The following VAT1L variants were observed in gnomAD, a reference collection of about 807,000 sequenced individuals.
VAT1L encodes the protein putative NADPH-dependent quinone oxidoreductase VAT1L.
Under a neutral mutation model 44.1 loss-of-function variants are expected in VAT1L, and 34 were observed. That is an observed-to-expected ratio of 0.77 (90% confidence interval 0.59 to 1.03). The LOEUF (loss-of-function observed/expected upper bound fraction) is 1.03. Ranked by LOEUF, VAT1L falls within the 50% of genes least tolerant of loss-of-function variation. The pLI is 0.00. For missense variants in VAT1L, 615 were observed against 538.8 expected (o/e 1.14, Z -1.40); for synonymous variants, 253 against 202.2 (o/e 1.25, Z -2.13).
intron 4 of VAT1L, among the ~76,000 whole-genome samples, chr16:77,863,193 A>C (rs1468810256): frequency 6.6e-6 from 1 of 152,222 alleles, no homozygotes; most frequent in East Asian, 1.9e-4. Context: ...ATGATAGCTT[A>C]AGGTGGATAT....
intron 3 of VAT1L, among the ~76,000 whole-genome samples, chr16:77,856,006 C>G (rs2016854749): frequency 1.3e-5 from 2 of 151,786 alleles, no homozygotes; most frequent in African/African-American, 4.9e-5. Flanking sequence ...CAGAGGAAGA[C>G]TCCGTCAAAA....
In VAT1L at chr16:77,861,854, C is replaced by T. The variant is rs74796184; in HGVS notation, c.580-894C>T. Among the ~76,000 whole-genome samples, 804 of 152,340 alleles carry T rather than the reference C, an allele frequency of 5.3e-3. 3 individuals carry two copies. Among genetic ancestry groups the T allele is most frequent in the African/African-American group, 0.018 (752 of 41,574 alleles). Reference sequence around the variant, plus strand: ...CTCAGAGGCGTATTCTACACTTGCTCACAGGGTTCCCCAGAGGGATTGAGC... The same window carrying T: ...CTCAGAGGCGTATTCTACACTTGCTTACAGGGTTCCCCAGAGGGATTGAGC... On this transcript the variant is annotated intron_variant, in intron 3 of 8. Coordinates refer to ENST00000302536, the MANE Select transcript of VAT1L (RefSeq NM_020927.3).
chr16:77,906,579 G>C (rs1203384309), intron 7 of VAT1L, among the ~76,000 whole-genome samples: 2 of 152,220 alleles, frequency 1.3e-5, no homozygotes, highest in Admixed American at 6.5e-5. Context: ...GGAAGGATGG[G>C]TTATCAAAGG....
chr16:77,912,450 T>C (rs190523872), intron 7 of VAT1L, among the ~76,000 whole-genome samples: 1 of 152,172 alleles, frequency 6.6e-6, no homozygotes, highest in Non-Finnish European at 1.5e-5. Context: ...CCTTGTTTTT[T>C]TTCTGCACCC....
intron 7 of VAT1L, among the ~76,000 whole-genome samples, chr16:77,949,149 G>T (rs2018009223): frequency 1.3e-5 from 2 of 152,188 alleles, no homozygotes; most frequent in Non-Finnish European, 1.5e-5. Context: ...AAAGAATACT[G>T]TAGGGAGATG....
intron 3 of VAT1L, among the ~76,000 whole-genome samples, chr16:77,837,134 C>G (rs1356877177): frequency 6.6e-6 from 1 of 152,130 alleles, no homozygotes; most frequent in African/African-American, 2.4e-5. Flanking sequence ...AGAAGCCCTG[C>G]CTCTGCCTAG....
intron 7 of VAT1L, among the ~76,000 whole-genome samples, chr16:77,933,864 G>A (rs1412272275): frequency 2.0e-5 from 3 of 152,228 alleles, no homozygotes; most frequent in African/African-American, 7.2e-5. Flanking sequence ...GGTCAGAGAA[G>A]TAAGCAGATG....
chr16:77,925,795 C>T (rs372627), intron 7 of VAT1L, among the ~76,000 whole-genome samples: 97,458 of 151,904 alleles, frequency 0.64, 31,618 homozygotes, highest in East Asian at 0.84. Context: ...GAGAAATCTA[C>T]CAAACAACAT....
At chr16:77,800,370 T>A (rs1414710762) in intron 1 of VAT1L, 2 of 152,182 alleles carry the variant, frequency 1.3e-5, no homozygotes, top group Non-Finnish European at 2.9e-5. Context: ...CAAGCATCCC[T>A]GCAATACATG....
chr16:77,895,355 G>C (rs201044309), intron 7 of VAT1L, among the ~76,000 whole-genome samples: 1 of 2,620 alleles, frequency 3.8e-4, no homozygotes, highest in Non-Finnish European at 4.8e-3. Context: ...TAGAATATTT[G>C]AACATGTTAC....
chr16:77,838,888 C>A (rs1022034964), intron 3 of VAT1L, among the ~76,000 whole-genome samples: 8 of 151,894 alleles, frequency 5.3e-5, no homozygotes, highest in African/African-American at 1.9e-4. Flanking sequence ...CTCCACCCCC[C>A]ACCCCCATCT....
chr16:77,816,887 T>C (rs768700591), intron 1 of VAT1L, 34 bp from the exon 2 acceptor site: 7 of 1,561,442 alleles, frequency 4.5e-6, no homozygotes, highest in Admixed American at 1.9e-5. Context: ...GATCTCATTT[T>C]GAATTTCTCT....
chr16:77,795,576 A>AG (rs1417093697), intron 1 of VAT1L, among the ~76,000 whole-genome samples: 1 of 152,170 alleles, frequency 6.6e-6, no homozygotes, highest in Admixed American at 6.5e-5. Context: ...TGGGATCAAA[A>AG]GGAAGAGCCT....
chr16:77,902,742 G>A (rs1198080596), intron 7 of VAT1L, among the ~76,000 whole-genome samples: 1 of 145,368 alleles, frequency 6.9e-6, no homozygotes, highest in East Asian at 2.1e-4. Context: ...TGGGGGGGGT[G>A]TGGATCACCT....
At chr16:77,972,239 T>G (rs1202587863) in intron 8 of VAT1L, among the ~76,000 whole-genome samples, 1 of 152,120 alleles carries the variant, frequency 6.6e-6, no homozygotes, top group East Asian at 1.9e-4. Context: ...CCTGGAAAAT[T>G]TCAATAATTT....
At chr16:77,941,599 C>CT (rs530933841) in intron 7 of VAT1L, among the ~76,000 whole-genome samples, 33 of 152,100 alleles carry the variant, frequency 2.2e-4, no homozygotes, top group African/African-American at 6.5e-4. Context: ...GCCACACTGC[C>CT]TTTTTTTGAG....
At chr16:77,862,705 G>C in intron 3 of VAT1L, 43 bp from the exon 4 acceptor site, 1 of 1,595,096 alleles carries the variant, frequency 6.3e-7, no homozygotes, top group Non-Finnish European at 8.5e-7. Flanking sequence ...GCTATGATCT[G>C]GTGGCTCCTA....
chr16:77,961,887 G>A (rs1230141370), intron 7 of VAT1L, among the ~76,000 whole-genome samples: 5 of 152,178 alleles, frequency 3.3e-5, no homozygotes, highest in Non-Finnish European at 7.3e-5. Context: ...CAAAGATGAT[G>A]GGAATGCTAT....
chr16:77,970,581 T>A (rs1337656520), intron 7 of VAT1L, among the ~76,000 whole-genome samples: 1 of 152,218 alleles, frequency 6.6e-6, no homozygotes, highest in African/African-American at 2.4e-5. Context: ...AGTAGACACA[T>A]GTGAGAGTCA....
Sources: allele counts gnomAD v4.1 joint callset (sites outside exome capture counted in the v4.1 genomes callset), GRCh38; gene constraint gnomAD v4.1.1; transcripts MANE v1.5; gene names NCBI Gene and HGNC (gene_info 2026-07-23, HGNC 2026-07-21).